Variants in DGKG observed in about 807,000 individuals in gnomAD.
The protein encoded by DGKG is diacylglycerol kinase gamma, also known as DAG kinase gamma.
In DGKG, 78 loss-of-function variants were observed where a neutral mutation model predicts 105.3. The observed-to-expected ratio is 0.74, with a 90% CI of 0.62 to 0.89. The LOEUF is 0.89. DGKG is among the 40% of genes least tolerant of loss of function. The pLI, the probability that DGKG is intolerant of heterozygous loss-of-function variation, is 0.00. For synonymous variants in DGKG, 346 were observed against 367.1 expected, an observed-to-expected ratio of 0.94 and a Z score of 0.66; for missense variants, 958 against 1,020.1, an observed-to-expected ratio of 0.94 and a Z score of 0.83.
chr3:186,320,463 T>C lies in DGKG; in HGVS notation c.-4A>G. ...AGACCCACCGTTCTTCACCCATTTTTAAACTTTATGTGAGTGGCTAAAGGG... is the reference window on the plus strand; with the variant it reads ...AGACCCACCGTTCTTCACCCATTTTCAAACTTTATGTGAGTGGCTAAAGGG... On this transcript the variant is annotated 5_prime_UTR_variant, in exon 2 of 25. Transcript: ENST00000265022. The C allele has an allele frequency of 3.1e-6, 5 of 1,614,238 alleles. No individual in the cohort carries two copies. Among genetic ancestry groups the C allele is most frequent in the Non-Finnish European group, 3.4e-6 (4 of 1,180,034 alleles).
At chr3:186,300,603 C>T (rs1054933154) in intron 3 of DGKG, among the ~76,000 whole-genome samples, 3 of 152,066 alleles carry the variant, frequency 2.0e-5, no homozygotes, top group Non-Finnish European at 4.4e-5. Context: ...TTTGCATTGT[C>T]TCTTTGTACC....
intron 2 of DGKG, among the ~76,000 whole-genome samples, chr3:186,316,591 T>C (rs1467722349): frequency 6.6e-6 from 1 of 152,236 alleles, no homozygotes; most frequent in Non-Finnish European, 1.5e-5. Context: ...TACTGTCAGC[T>C]ATATGTGTGT....
chr3:186,261,949 C>A, intron 14 of DGKG, 171 bp from the exon 15 acceptor site: 1 of 549,042 alleles, frequency 1.8e-6, no homozygotes. Context: ...TAAGTGTCTC[C>A]AGTTTGAATG....
In DGKG at chr3:186,361,762, G is replaced by T. The variant is rs1413960188; in HGVS notation, c.-249+184C>A. On this transcript the variant is annotated intron_variant, in intron 1 of 24. Transcript: ENST00000265022. This position sits in a 1 kb window ranked among gnomAD's most constrained non-coding sequence, Gnocchi z 6.8. ...CGTTCCCCAAGCCTGCACCCCTCGA[G>T]CGGGGCATCCCTTCCTGCAGGGCTT... Among the ~76,000 whole-genome samples, 1 of 152,148 alleles carries T rather than the reference G, an allele frequency of 6.6e-6. No individual in the cohort carries two copies. The highest frequency in any genetic ancestry group is 6.5e-5 in the Admixed American group (1 of 15,282).
chr3:186,165,068 A>G (rs1716474782), intron 22 of DGKG, 50 bp from the exon 23 acceptor site: 1 of 1,573,684 alleles, frequency 6.4e-7, no homozygotes, highest in East Asian at 2.3e-5. Context: ...TGTGTTCCTC[A>G]GACAAGTTCT....
chr3:186,308,525 G>C (rs903738190), intron 2 of DGKG, among the ~76,000 whole-genome samples: 3 of 152,102 alleles, frequency 2.0e-5, no homozygotes, highest in Admixed American at 1.3e-4. Flanking sequence ...CTTAAGCCTA[G>C]GTAAAGTAGA....
intron 24 of DGKG, among the ~76,000 whole-genome samples, chr3:186,155,800 C>A (rs1716007141): frequency 6.6e-6 from 1 of 152,186 alleles, no homozygotes; most frequent in African/African-American, 2.4e-5. Flanking sequence ...TCTCCCCATA[C>A]CCTTGACAGC....
At chr3:186,294,363 C>G (rs750056757) in intron 5 of DGKG, among the ~76,000 whole-genome samples, 3 of 151,964 alleles carry the variant, frequency 2.0e-5, no homozygotes, top group Non-Finnish European at 4.4e-5. Context: ...AAAATAAACC[C>G]TGTCTCTACA....
At chr3:186,353,337 G>T (rs369532549) in intron 1 of DGKG, among the ~76,000 whole-genome samples, 1 of 151,840 alleles carries the variant, frequency 6.6e-6, no homozygotes, top group Non-Finnish European at 1.5e-5. Flanking sequence ...GCCTGAACAT[G>T]GTGAAACCCC....
rs558483228 is a variant in DGKG, at chr3:186,231,791, C to T, written c.1826+10713G>A. On this transcript the variant is annotated intron_variant, in intron 20 of 24. Transcript: ENST00000265022. The surrounding 1 kb of genome is among the most constrained non-coding windows in gnomAD (Gnocchi z 4.5). ...AAAAAATTAGCTGGGCATGGTGGCG[C>T]GCACCTGTAATCCCAGCTAATCAGG... 1.7e-4 allele frequency among the ~76,000 whole-genome samples: 26 copies of T among 152,102 alleles called. No individual in the cohort carries two copies. In the East Asian group the frequency reaches 2.3e-3, roughly 14 times the overall value.
intron 21 of DGKG, among the ~76,000 whole-genome samples, chr3:186,196,118 T>C (rs1206823925): frequency 2.7e-5 from 4 of 149,362 alleles, no homozygotes; most frequent in African/African-American, 9.8e-5. Context: ...CTTAAAAGGA[T>C]CTCTCTCTCT....
At chr3:186,302,460 C>CTATATATA (rs58937810) in intron 3 of DGKG, among the ~76,000 whole-genome samples, 1 of 48,788 alleles carries the variant, frequency 2.0e-5, no homozygotes, top group Non-Finnish European at 4.1e-5. Context: ...GGGAAATGTG[C>CTATATATA]TATATATATA....
chr3:186,273,888 C>T (rs776286828), intron 10 of DGKG, among the ~76,000 whole-genome samples: 6 of 152,202 alleles, frequency 3.9e-5, no homozygotes, highest in Non-Finnish European at 7.3e-5. Flanking sequence ...GTCCACATCA[C>T]GGGGCGGGCG....
intron 20 of DGKG, among the ~76,000 whole-genome samples, chr3:186,221,771 T>C (rs552113659): frequency 2.7e-4 from 41 of 152,280 alleles, no homozygotes; most frequent in Non-Finnish European, 4.7e-4. Flanking sequence ...GGAAGGTGAC[T>C]TCCTGGGTCC....
chr3:186,199,281 A>C (rs1718332519), intron 21 of DGKG, among the ~76,000 whole-genome samples: 1 of 151,980 alleles, frequency 6.6e-6, no homozygotes, highest in Non-Finnish European at 1.5e-5. Context: ...CACATACACA[A>C]ACTGGCCTGG....
At chr3:186,167,133 G>T (rs1716584645) in intron 22 of DGKG, among the ~76,000 whole-genome samples, 1 of 152,134 alleles carries the variant, frequency 6.6e-6, no homozygotes, top group Non-Finnish European at 1.5e-5. Context: ...CATGGTGGGT[G>T]GGTGGGGGCA....
At chr3:186,194,997 C>T (rs534078634) in intron 21 of DGKG, among the ~76,000 whole-genome samples, 6 of 152,078 alleles carry the variant, frequency 3.9e-5, no homozygotes, top group Admixed American at 3.3e-4. Context: ...CTCAGCTACT[C>T]TGGAGGCTGA....
At position 186,286,808 on chromosome 3, in the gene DGKG, C is replaced by T. The variant is rs186465810; in HGVS notation, c.544+1902G>A. Among the ~76,000 whole-genome samples the T allele has an allele frequency of 6.2e-3, 940 of 152,068 alleles. 7 individuals are homozygous for T. The highest frequency in any genetic ancestry group is 0.011 in the African/African-American group (449 of 41,480). ...CAGCAATTTGGGAGGCCAAGGCGGG[C>T]GGATCACCTGAGGTCAGAAGTTCGA... On this transcript the variant is annotated intron_variant, in intron 6 of 24. Coordinates refer to ENST00000265022, the MANE Select transcript of DGKG (RefSeq NM_001346.3).
chr3:186,161,389 A>C, intron 24 of DGKG: 1 of 1,400,590 alleles, frequency 7.1e-7, no homozygotes, highest in Non-Finnish European at 9.3e-7. Context: ...CAATTTTGTG[A>C]CCGGCGCTTC....
Sources: allele counts gnomAD v4.1 joint callset (sites outside exome capture counted in the v4.1 genomes callset), GRCh38; gene constraint gnomAD v4.1.1; non-coding constraint Gnocchi (gnomAD v3.1); transcripts MANE v1.5; gene names NCBI Gene and HGNC (gene_info 2026-07-23, HGNC 2026-07-21).